The following COL9A1 variants were observed in gnomAD, a reference collection of about 807,000 sequenced individuals.
COL9A1 encodes the protein collagen alpha-1(IX) chain.
COL9A1 carries 104 observed loss-of-function variants against 142.6 expected under a neutral mutation model. The ratio of observed to expected loss-of-function variants is 0.73; its 90% confidence interval spans 0.62 to 0.86. COL9A1 has a LOEUF of 0.86. Among genes scored for constraint, COL9A1 ranks in the 40% least tolerant of loss-of-function variants. COL9A1 has a pLI of 0.00. For missense variants in COL9A1, 1,210 were observed against 1,176.6 expected (o/e 1.03, Z -0.42); for synonymous variants, 466 against 396.0 (o/e 1.18, Z -2.10).
intron 37 of COL9A1, among the ~76,000 whole-genome samples, chr6:70,220,246 T>C (rs143255369): frequency 4.9e-4 from 74 of 152,278 alleles, no homozygotes; most frequent in African/African-American, 1.7e-3. Flanking sequence ...ATTTTTCTCA[T>C]GCATAAACTG....
At position 70,252,170 on chromosome 6, in the gene COL9A1, G is replaced by A; in HGVS notation, c.1822C>T (p.Gln608Ter). 2.5e-6 allele frequency: 4 copies of A among 1,614,160 alleles called. No homozygotes were observed. Among genetic ancestry groups the A allele is most frequent in the Non-Finnish European group, 3.4e-6 (4 of 1,180,016 alleles). The change falls in exon 28 of 38, where the codon CAA becomes TAA. Residue 608 changes from glutamine (Q) to a stop codon, truncating the protein, a stop_gained. Transcript: ENST00000357250. LOFTEE classifies it high-confidence loss of function. Reference protein sequence around the residue: ...GQMGNSGKPGQQGPPGEVGPR... With the variant: ...GQMGNSGKPG ...CCCACCTCTCCTGGAGGCCCCTGTT[G>A]GCCCTGTTATCAGGAAGGAAGGTAG...
At chr6:70,242,873 T>C (rs1037933648) in intron 28 of COL9A1, among the ~76,000 whole-genome samples, 158 bp from the exon 29 acceptor site, 1 of 152,266 alleles carries the variant, frequency 6.6e-6, no homozygotes, top group African/African-American at 2.4e-5. Flanking sequence ...TCATCTTGCA[T>C]TGAATGATTC....
chr6:70,240,708 G>C lies in COL9A1; in HGVS notation c.2060C>G (p.Ala687Gly). 3 of 1,611,896 alleles carry C rather than the reference G, an allele frequency of 1.9e-6. No homozygotes were observed. Among genetic ancestry groups the C allele is most frequent in the East Asian group, 2.2e-5 (1 of 44,800 alleles). Residue 687 changes from alanine to glycine, a missense_variant, in exon 32 of 38, where the codon GCA (alanine) becomes GGA (glycine). Ala to Gly is a moderately conservative substitution (Grantham distance 60). Coordinates refer to ENST00000357250, the MANE Select transcript of COL9A1 (RefSeq NM_001851.6). ...TCTTACAAGTTCCCCCCTTTCTCCT[G>C]CTTCACCTTCTTCACCAGAGGCACC... ...EQGASGEEGE[A>G]GERGELGDIG...
At chr6:70,253,169 A>T (rs1208543578) in intron 26 of COL9A1, 2 of 458,846 alleles carry the variant, frequency 4.4e-6, no homozygotes, top group Non-Finnish European at 8.0e-6. Flanking sequence ...TGACATTTTC[A>T]TTAAGGAAAT....
At chr6:70,248,449 C>A (rs1417825988) in intron 28 of COL9A1, among the ~76,000 whole-genome samples, 1 of 152,184 alleles carries the variant, frequency 6.6e-6, no homozygotes, top group Non-Finnish European at 1.5e-5. Context: ...CTCAGTAGCT[C>A]ATTTCTTCTT....
chr6:70,255,234 A>G, intron 22 of COL9A1, 31 bp from the exon 23 acceptor site: 1 of 1,613,236 alleles, frequency 6.2e-7, no homozygotes, highest in East Asian at 2.2e-5. Flanking sequence ...AATAGACAAG[A>G]CATGTTCAGT....
At chr6:70,302,807 G>A (rs866234008) in intron 1 of COL9A1, 104 bp downstream of exon 1, 10 of 1,244,118 alleles carry the variant, frequency 8.0e-6, no homozygotes, top group Middle Eastern at 1.8e-4. Context: ...TCACCTTGAG[G>A]CTCACCTACT....
At chr6:70,261,475 G>A (rs1002737855) in intron 19 of COL9A1, among the ~76,000 whole-genome samples, 1 of 152,200 alleles carries the variant, frequency 6.6e-6, no homozygotes, top group Non-Finnish European at 1.5e-5. Flanking sequence ...TTAGGAAAGT[G>A]GGGGTAGCTA....
In COL9A1 at chr6:70,240,709, C is replaced by T; in HGVS notation, c.2059G>A (p.Ala687Thr). Residue 687 changes from alanine (A) to threonine (T), a missense_variant, in exon 32 of 38, where the codon GCA becomes ACA. By Grantham distance (58) the Ala-to-Thr change is moderately conservative (BLOSUM62 0). Coordinates refer to ENST00000357250, the MANE Select transcript of COL9A1 (RefSeq NM_001851.6). ...EQGASGEEGE[A>T]GERGELGDIG... ...CTTACAAGTTCCCCCCTTTCTCCTGCTTCACCTTCTTCACCAGAGGCACCC... is the reference window on the plus strand; with the variant it reads ...CTTACAAGTTCCCCCCTTTCTCCTGTTTCACCTTCTTCACCAGAGGCACCC... 4 of 1,612,946 alleles carry T rather than the reference C, an allele frequency of 2.5e-6. No homozygotes were observed. The highest frequency in any genetic ancestry group is 3.4e-6 in the Non-Finnish European group (4 of 1,179,384).
intron 12 of COL9A1, 145 bp from the exon 13 acceptor site, chr6:70,272,233 G>A (rs940231486): frequency 1.7e-6 from 1 of 573,250 alleles, no homozygotes; most frequent in African/African-American, 1.9e-5. Flanking sequence ...ATAAAGAAAA[G>A]CAAACACGGC....
chr6:70,282,763 T>C (rs912712446), intron 7 of COL9A1, 135 bp downstream of exon 7: 20 of 1,356,772 alleles, frequency 1.5e-5, no homozygotes, highest in Non-Finnish European at 2.1e-5. Context: ...CGGCAGGTGC[T>C]CGAGGCTGGA....
chr6:70,234,844 C>T lies in COL9A1; in HGVS notation c.2209G>A (p.Val737Met). The change falls in exon 34 of 38, where the codon GTG becomes ATG. Residue 737 changes from valine to methionine, a missense_variant. Transcript: ENST00000357250. ...CCGGTGGCACCCTGTTCTCCCTGCACACCCCGGGGTCCAGGTGGTCCTCTT... is the reference window on the plus strand; with the variant it reads ...CCGGTGGCACCCTGTTCTCCCTGCATACCCCGGGGTCCAGGTGGTCCTCTT... ...GPRGPPGPRG[V>M]QGEQGATGLP... 1 of 1,614,142 alleles carries T rather than the reference C, an allele frequency of 6.2e-7. No individual in the cohort carries two copies.
intron 7 of COL9A1, 133 bp from the exon 8 acceptor site, chr6:70,281,597 C>T: frequency 3.1e-6 from 2 of 637,476 alleles, no homozygotes; most frequent in South Asian, 2.0e-5. Context: ...TGCAACCCAA[C>T]GCAAAAATGT....
At chr6:70,238,585 A>G (rs1424211065) in intron 33 of COL9A1, among the ~76,000 whole-genome samples, 1 of 152,254 alleles carries the variant, frequency 6.6e-6, no homozygotes, top group African/African-American at 2.4e-5. Context: ...ATAACTGCCA[A>G]TGAAATTTAG....
chr6:70,230,124 G>A (rs1252352817), intron 36 of COL9A1, among the ~76,000 whole-genome samples: 1 of 152,152 alleles, frequency 6.6e-6, no homozygotes, highest in African/African-American at 2.4e-5. Flanking sequence ...CTAATTGACT[G>A]AAAATTTAAG....
chr6:70,290,911 A>G (rs1773634700), intron 5 of COL9A1, among the ~76,000 whole-genome samples: 1 of 152,130 alleles, frequency 6.6e-6, no homozygotes, highest in Non-Finnish European at 1.5e-5. Context: ...ATTTTCATTT[A>G]AAATTTCTAA....
In COL9A1 at chr6:70,271,697, C is replaced by T. The variant is rs781559365; in HGVS notation, c.1101G>A (p.Gly367=). The change falls in exon 14 of 38, where the codon GGG becomes GGA. Residue 367 remains glycine (G), a synonymous_variant. Transcript: ENST00000357250. ...RGIPGPPGPP[G]TAGLPGELGR... is the part of the protein sequence containing the mutation. ...CAAGCTCTCCAGGGAGTCCTGCTGT[C>T]CCAGGAGGACCCTGAAGTCAACAAA... is the stretch of plus-strand genomic sequence containing the variant. The T allele has an allele frequency of 3.1e-6, 5 of 1,613,704 alleles. No individual in the cohort carries two copies. In the Middle Eastern group the frequency reaches 4.9e-4, roughly 160 times the overall value.
intron 26 of COL9A1, 93 bp downstream of exon 26, chr6:70,253,292 A>G (rs1771067928): frequency 1.1e-6 from 1 of 898,888 alleles, no homozygotes; most frequent in Non-Finnish European, 1.8e-6. Context: ...ATATAAAATA[A>G]AACACATGCT....
intron 4 of COL9A1, among the ~76,000 whole-genome samples, chr6:70,295,584 G>A (rs1256311022): frequency 2.0e-5 from 3 of 151,936 alleles, no homozygotes; most frequent in South Asian, 2.1e-4. Context: ...TACTGCATCC[G>A]GCCCAGTTGT....
Sources: allele counts gnomAD v4.1 joint callset (sites outside exome capture counted in the v4.1 genomes callset), GRCh38; gene constraint gnomAD v4.1.1; transcripts MANE v1.5; gene names NCBI Gene and HGNC (gene_info 2026-07-23, HGNC 2026-07-21).